The following ADARB2 variants were observed in gnomAD, a reference collection of about 807,000 sequenced individuals.
The protein encoded by ADARB2 is inactive double-stranded RNA-specific editase B2.
Under a neutral mutation model 62.2 loss-of-function variants are expected in ADARB2, and 25 were observed. That is an observed-to-expected ratio of 0.40 (90% CI 0.29 to 0.56). ADARB2 has a LOEUF of 0.56. Ranked by LOEUF, ADARB2 falls within the 20% of genes least tolerant of loss-of-function variation. ADARB2 has a pLI of 0.43. For missense variants in ADARB2, 1,071 were observed against 1,077.4 expected, an observed-to-expected ratio of 0.99 and a Z score of 0.08; for synonymous variants, 572 against 500.8, an observed-to-expected ratio of 1.14 and a Z score of -1.90.
chr10:1,445,319 C>T (rs1454965541), intron 1 of ADARB2, among the ~76,000 whole-genome samples: 2 of 151,544 alleles, frequency 1.3e-5, no homozygotes, highest in Non-Finnish European at 2.9e-5. Flanking sequence ...CTACATCCAT[C>T]CTTTCATCTG....
At chr10:1,565,303 A>G (rs889005559) in intron 1 of ADARB2, among the ~76,000 whole-genome samples, 1 of 152,136 alleles carries the variant, frequency 6.6e-6, no homozygotes, top group African/African-American at 2.4e-5. Context: ...GTTTTAATCT[A>G]ATTCCAGGAA....
chr10:1,310,408 G>A (rs1831678458), intron 3 of ADARB2, among the ~76,000 whole-genome samples: 1 of 152,190 alleles, frequency 6.6e-6, no homozygotes, highest in Non-Finnish European at 1.5e-5. Context: ...CATTGACTCT[G>A]AATAACATTC....
intron 1 of ADARB2, among the ~76,000 whole-genome samples, chr10:1,449,288 G>C (rs1831010152): frequency 6.6e-6 from 1 of 152,144 alleles, no homozygotes; most frequent in Non-Finnish European, 1.5e-5. Context: ...TTTTGTATTA[G>C]GATCTGGTGA....
intron 1 of ADARB2, among the ~76,000 whole-genome samples, chr10:1,648,294 C>G (rs576298885): frequency 6.6e-6 from 1 of 152,064 alleles, no homozygotes. Context: ...TATCTCGAAC[C>G]CTTTCACACA....
intron 1 of ADARB2, among the ~76,000 whole-genome samples, chr10:1,727,113 G>A (rs1835176973): frequency 6.6e-6 from 1 of 152,200 alleles, no homozygotes; most frequent in African/African-American, 2.4e-5. Context: ...CCGACAGGGC[G>A]CTTTGTAAAT....
intron 3 of ADARB2, among the ~76,000 whole-genome samples, chr10:1,350,600 C>T (rs1357879486): frequency 6.6e-6 from 1 of 152,108 alleles, no homozygotes; most frequent in African/African-American, 2.4e-5. Context: ...TTTCTTTACC[C>T]GACCTCTCCC....
At chr10:1,628,246 G>A (rs1342357712) in intron 1 of ADARB2, among the ~76,000 whole-genome samples, 1 of 152,230 alleles carries the variant, frequency 6.6e-6, no homozygotes, top group Non-Finnish European at 1.5e-5. Flanking sequence ...GAGCGAGGGG[G>A]CCTCATCAGT....
chr10:1,260,757 C>T (rs1831128664), intron 4 of ADARB2, among the ~76,000 whole-genome samples: 1 of 133,220 alleles, frequency 7.5e-6, no homozygotes. Context: ...AATGCCATCC[C>T]CATCAAGCTA....
At chr10:1,353,910 G>A (rs1443643899) in intron 3 of ADARB2, among the ~76,000 whole-genome samples, 1 of 152,052 alleles carries the variant, frequency 6.6e-6, no homozygotes, top group Non-Finnish European at 1.5e-5. Context: ...CTCCTCCCAT[G>A]CCCTCTTCTT....
intron 1 of ADARB2, among the ~76,000 whole-genome samples, chr10:1,462,782 C>A (rs947006182): frequency 6.7e-6 from 1 of 150,144 alleles, no homozygotes; most frequent in African/African-American, 2.5e-5. Flanking sequence ...TTTATGTGTG[C>A]ACGTGTGTGC....
At position 1,363,720 on chromosome 10, in the gene ADARB2, C is replaced by A. The variant is rs764476897; in HGVS notation, c.385G>T (p.Ala129Ser). 1 of 1,610,722 alleles carries A rather than the reference C, an allele frequency of 6.2e-7. No homozygotes were observed. Among genetic ancestry groups the A allele is most frequent in the African/African-American group, 1.3e-5 (1 of 74,722 alleles). ...CTCAGCTCGTGCAGCTGCACCAGCGCGTTCTTGGGCGCCACCGACCACGAC... is the reference window on the plus strand; with the variant it reads ...CTCAGCTCGTGCAGCTGCACCAGCGAGTTCTTGGGCGCCACCGACCACGAC... The part of the protein sequence containing the change: ...KLSWSVAPKN[A>S]LVQLHELRPG... Residue 129 changes from alanine (A) to serine (S), a missense_variant, in exon 3 of 10, where the codon GCG becomes TCG. Ala to Ser is a moderately conservative substitution (Grantham distance 99). Transcript: ENST00000381312.
chr10:1,714,472 C>T (rs1345287147), intron 1 of ADARB2, among the ~76,000 whole-genome samples: 1 of 152,228 alleles, frequency 6.6e-6, no homozygotes, highest in Non-Finnish European at 1.5e-5. Context: ...GCATCTGAAC[C>T]AGCCAACGCC....
chr10:1,486,716 G>A (rs1831546976), intron 1 of ADARB2, among the ~76,000 whole-genome samples: 1 of 152,128 alleles, frequency 6.6e-6, no homozygotes, highest in Admixed American at 6.5e-5. Context: ...CAGAACTGAG[G>A]GTGACCAGGG....
In ADARB2 at chr10:1,183,128, GC is replaced by G. The variant is rs1012739961; in HGVS notation, c.*64del. ...AGGGAACCGGCCGACCCGCCACGTC[GC>G]CCCCCAGACACGGTCCCATCCCTCC... On this transcript the variant is annotated 3_prime_UTR_variant, in exon 10 of 10. Coordinates refer to ENST00000381312, the MANE Select transcript of ADARB2 (RefSeq NM_018702.4). The G allele has an allele frequency of 9.9e-5, 154 of 1,548,604 alleles. No homozygotes were observed. Among genetic ancestry groups the G allele is most frequent in the Non-Finnish European group, 1.3e-4 (152 of 1,142,036 alleles).
intron 7 of ADARB2, among the ~76,000 whole-genome samples, chr10:1,210,154 A>T (rs1209974387): frequency 6.6e-6 from 1 of 152,206 alleles, no homozygotes; most frequent in East Asian, 1.9e-4. Context: ...GGATCTTTTG[A>T]TACAAAAGAT....
At chr10:1,337,082 G>A (rs199920783) in intron 3 of ADARB2, among the ~76,000 whole-genome samples, 4 of 151,414 alleles carry the variant, frequency 2.6e-5, no homozygotes, top group Admixed American at 1.3e-4. Flanking sequence ...GTGTGTGTGT[G>A]TGTGTGTGTG....
Position 1,720,379 on chromosome 10 carries a change from T to G in ADARB2, c.100+16672A>C, listed in dbSNP as rs34491724. ...ACACACACTGGGAACACTAGAAGGG[T>G]CCGGAGAAGAACAAGGATTGAAAAA... On this transcript the variant is annotated intron_variant, in intron 1 of 9. Transcript: ENST00000381312. Among the ~76,000 whole-genome samples the G allele has an allele frequency of 9.7e-3, 1,480 of 152,046 alleles. 12 individuals are homozygous for G. The highest frequency in any genetic ancestry group is 0.041 in the Middle Eastern group (12 of 292).
At chr10:1,712,143 A>G (rs1834955221) in intron 1 of ADARB2, among the ~76,000 whole-genome samples, 1 of 152,242 alleles carries the variant, frequency 6.6e-6, no homozygotes. Flanking sequence ...TGTATTTAAA[A>G]CAGATATTCT....
rs188140176 is a variant in ADARB2, at chr10:1,183,049, C to T, written c.*144G>A. The T allele has an allele frequency of 2.2e-4, 203 of 932,900 alleles. No individual in the cohort carries two copies. The African/African-American group carries it at 2.4e-3, about 11-fold the overall frequency. The allele number at this position is 932,900 out of a possible 1,614,324, so 57.8% of individuals were successfully genotyped here. A position where few individuals can be genotyped will look rare whatever the true frequency, so the allele number is the denominator to read the frequency against. ...CACGTTCTGAATTTGTGTTGTTGCT[C>T]GTCCAAACATTGCACACTCGCGTGT... On this transcript the variant is annotated 3_prime_UTR_variant, in exon 10 of 10. Coordinates refer to ENST00000381312, the MANE Select transcript of ADARB2 (RefSeq NM_018702.4).
Sources: allele counts gnomAD v4.1 joint callset (sites outside exome capture counted in the v4.1 genomes callset), GRCh38; gene constraint gnomAD v4.1.1; transcripts MANE v1.5; gene names NCBI Gene and HGNC (gene_info 2026-07-23, HGNC 2026-07-21).